HEATR5B: variants seen among roughly 807,000 people sequenced by gnomAD.
HEATR5B encodes HEAT repeat-containing protein 5B.
In HEATR5B, 156 loss-of-function variants were observed where a neutral mutation model predicts 224.1. The ratio of observed to expected loss-of-function variants is 0.70; its 90% CI spans 0.61 to 0.80. The LOEUF (loss-of-function observed/expected upper bound fraction) is 0.80, where lower values mean the gene tolerates loss of function less well. Among genes scored for constraint, HEATR5B ranks in the 30% least tolerant of loss-of-function variants. The pLI, the probability that HEATR5B is intolerant of heterozygous loss-of-function variation, is 0.00. For missense variants in HEATR5B, 2,323 were observed against 2,535.5 expected (o/e 0.92, Z 1.80); for synonymous variants, 1,027 against 893.0 (o/e 1.15, Z -2.68).
chr2:37,044,100 G>T (rs1450444712), intron 18 of HEATR5B, among the ~76,000 whole-genome samples: 1 of 151,586 alleles, frequency 6.6e-6, no homozygotes, highest in Non-Finnish European at 1.5e-5. Context: ...TTCTTTTTTT[G>T]AACTAAGTCT....
intron 35 of HEATR5B, among the ~76,000 whole-genome samples, chr2:36,985,197 T>C (rs954461327): frequency 1.3e-5 from 2 of 152,204 alleles, no homozygotes; most frequent in Non-Finnish European, 2.9e-5. Flanking sequence ...TATAAAAATG[T>C]TGCCATCAAA....
chr2:36,985,187 T>C (rs1028454527), intron 35 of HEATR5B, among the ~76,000 whole-genome samples: 1 of 152,186 alleles, frequency 6.6e-6, no homozygotes, highest in Non-Finnish European at 1.5e-5. Context: ...TGAAGTGAAG[T>C]ATAAAAATGT....
At position 37,061,960 on chromosome 2, in the gene HEATR5B, G is replaced by A; in HGVS notation, c.1675C>T (p.Leu559Phe). ...LQRTQAGWLL[L>F]GALMTLGPSV... ...ATACCTAAAGTCATAAGTGCTCCAA[G>A]TAAAAGCCAGCCAGCTTGGGTGCGC... The change falls in exon 11 of 36, where the codon CTT becomes TTT. Residue 559 changes from leucine to phenylalanine, a missense_variant. Leu to Phe is a conservative substitution (Grantham distance 22). This residue lies in a region of HEATR5B where 502 missense variants were observed against 517.8 expected (regional missense o/e 0.97). Transcript: ENST00000233099. 6.2e-7 allele frequency: 1 copy of A among 1,613,158 alleles called. No homozygotes were observed. The highest frequency in any genetic ancestry group is 1.1e-5 in the South Asian group (1 of 91,064).
intron 12 of HEATR5B, 138 bp from the exon 13 acceptor site, chr2:37,059,125 A>G (rs1053199099): frequency 1.5e-5 from 7 of 470,550 alleles, no homozygotes; most frequent in Non-Finnish European, 2.6e-5. Context: ...TGTCGAACCA[A>G]AAGAAAAACT....
intron 8 of HEATR5B, among the ~76,000 whole-genome samples, chr2:37,068,337 A>G (rs1671708949): frequency 2.0e-5 from 3 of 152,344 alleles, no homozygotes; most frequent in African/African-American, 4.8e-5. Flanking sequence ...CAATAAAAAT[A>G]TATGTTTATA....
chr2:37,020,203 C>T (rs939903644), intron 25 of HEATR5B, among the ~76,000 whole-genome samples: 8 of 152,192 alleles, frequency 5.3e-5, no homozygotes, highest in African/African-American at 1.9e-4. Context: ...CCATGCCCGG[C>T]CTCAGTAATA....
chr2:37,023,498 C>T (rs1010661512), intron 24 of HEATR5B, among the ~76,000 whole-genome samples: 2 of 152,146 alleles, frequency 1.3e-5, no homozygotes, highest in African/African-American at 4.8e-5. Context: ...GCCAGGTGCA[C>T]TGACTCATGT....
Position 37,068,876 on chromosome 2 carries a change from C to A in HEATR5B, c.982G>T (p.Ala328Ser). The change falls in exon 8 of 36, where the codon GCC becomes TCC. Residue 328 changes from alanine to serine, a missense_variant. Physicochemically the swap from Ala to Ser is moderately conservative, Grantham distance 99. Coordinates refer to ENST00000233099, the MANE Select transcript of HEATR5B (RefSeq NM_019024.3). ...LGGQWLERSFATFLSHVLDLV... is the reference protein window; with the variant it reads ...LGGQWLERSFSTFLSHVLDLV... ...TCAAGTACATGGGACAGGAACGTGG[C>A]AAAGCTGCGCTCCAACCACTGACCA... 1.2e-6 allele frequency: 2 copies of A among 1,614,106 alleles called. No homozygotes were observed. Among genetic ancestry groups the A allele is most frequent in the Non-Finnish European group, 1.7e-6 (2 of 1,179,992 alleles).
At chr2:36,986,664 C>T (rs760763246) in intron 35 of HEATR5B, among the ~76,000 whole-genome samples, 129 of 152,122 alleles carry the variant, frequency 8.5e-4, no homozygotes, top group Non-Finnish European at 1.1e-3. Flanking sequence ...GTCACCCAGG[C>T]TGGAGCCCAG....
chr2:37,079,058 T>C, intron 3 of HEATR5B, 62 bp downstream of exon 3: 1 of 1,039,054 alleles, frequency 9.6e-7, no homozygotes, highest in Admixed American at 2.4e-5. Context: ...CATAGTCTCC[T>C]ACTAAGTTTC....
intron 33 of HEATR5B, among the ~76,000 whole-genome samples, chr2:36,992,685 A>G (rs961205002): frequency 2.0e-5 from 3 of 152,182 alleles, no homozygotes; most frequent in African/African-American, 7.2e-5. Flanking sequence ...AGAGTTGGCA[A>G]TGCTGCAAGC....
intron 16 of HEATR5B, among the ~76,000 whole-genome samples, chr2:37,056,005 T>C (rs1353316300): frequency 6.6e-6 from 1 of 152,218 alleles, no homozygotes. Context: ...TTATTAGTGA[T>C]TGGAATTTTC....
intron 18 of HEATR5B, among the ~76,000 whole-genome samples, chr2:37,042,889 CAA>C (rs373043531): frequency 3.3e-4 from 27 of 80,712 alleles, no homozygotes; most frequent in South Asian, 4.0e-4. Flanking sequence ...GACTCTGTCT[CAA>C]AAAAAAAAAA....
At chr2:37,032,581 G>A in intron 22 of HEATR5B, 48 bp downstream of exon 22, 1 of 1,494,292 alleles carries the variant, frequency 6.7e-7, no homozygotes, top group Non-Finnish European at 9.2e-7. Flanking sequence ...TAACTGAAAT[G>A]TAAAAGTAGT....
At chr2:37,019,772 A>G (rs1254107391) in intron 26 of HEATR5B, 37 bp downstream of exon 26, 1 of 1,379,946 alleles carries the variant, frequency 7.2e-7, no homozygotes, top group Non-Finnish European at 1.0e-6. Context: ...ATGAATGTAT[A>G]GAAGACAACT....
intron 10 of HEATR5B, among the ~76,000 whole-genome samples, chr2:37,062,671 G>C (rs1051829632): frequency 6.6e-6 from 1 of 152,200 alleles, no homozygotes; most frequent in African/African-American, 2.4e-5. Context: ...GCCTTGCAAG[G>C]ATAAAATAAG....
intron 35 of HEATR5B, among the ~76,000 whole-genome samples, chr2:36,982,342 C>T (rs566685000): frequency 2.8e-5 from 4 of 143,472 alleles, no homozygotes; most frequent in South Asian, 2.5e-4. Context: ...AACCTATGTC[C>T]GACTGATATA....
At chr2:37,055,061 T>C (rs1223783533) in intron 16 of HEATR5B, 1 of 391,940 alleles carries the variant, frequency 2.6e-6, no homozygotes. Flanking sequence ...CTTTAAAAAA[T>C]TCTTAAAAGT....
intron 34 of HEATR5B, among the ~76,000 whole-genome samples, chr2:36,989,126 G>A (rs555566869): frequency 3.9e-5 from 6 of 152,028 alleles, no homozygotes; most frequent in East Asian, 1.9e-4. Context: ...TCGCTCTGTC[G>A]CCAGGCTAGA....
Sources: gnomAD v4.1 joint callset for allele counts (sites outside exome capture counted in the v4.1 genomes callset) on GRCh38, gnomAD v4.1.1 for gene constraint, gnomAD v4.1.1 regional missense constraint, MANE v1.5 for transcripts, NCBI Gene and HGNC (gene_info 2026-07-23, HGNC 2026-07-21) for gene names.